Variants in SMOC2 observed in about 807,000 individuals in gnomAD.
The protein encoded by SMOC2 is SPARC related modular calcium binding 2, also known as SPARC-related modular calcium-binding protein 2.
Under a neutral mutation model 61.4 loss-of-function variants are expected in SMOC2, and 39 were observed. The ratio of observed to expected loss-of-function variants is 0.64; its 90% CI spans 0.49 to 0.83. The LOEUF is 0.83. Ranked by LOEUF, SMOC2 falls within the 40% of genes least tolerant of loss-of-function variation. The pLI is 0.00. For missense variants in SMOC2, 556 were observed against 592.9 expected (o/e 0.94, Z 0.65); for synonymous variants, 247 against 239.9 (o/e 1.03, Z -0.27).
At chr6:168,626,844 G>A (rs1786424287) in intron 9 of SMOC2, among the ~76,000 whole-genome samples, 1 of 152,176 alleles carries the variant, frequency 6.6e-6, no homozygotes, top group Non-Finnish European at 1.5e-5. Flanking sequence ...TGAATTGTTT[G>A]TAGGCTGAAA....
intron 1 of SMOC2, among the ~76,000 whole-genome samples, chr6:168,456,812 G>A (rs1781597387): frequency 6.6e-6 from 1 of 152,190 alleles, no homozygotes; most frequent in Non-Finnish European, 1.5e-5. Flanking sequence ...CAAGCAAAAG[G>A]CATGTCACTG....
chr6:168,591,890 T>G (rs1185130614), intron 7 of SMOC2, among the ~76,000 whole-genome samples: 2 of 152,210 alleles, frequency 1.3e-5, no homozygotes, highest in South Asian at 4.1e-4. Flanking sequence ...TTTGTAATCA[T>G]TCATTATTAC....
chr6:168,559,243 G>T (rs924998390), intron 7 of SMOC2, among the ~76,000 whole-genome samples: 1 of 152,086 alleles, frequency 6.6e-6, no homozygotes, highest in African/African-American at 2.4e-5. Context: ...ATCACCTGAG[G>T]TCAGGAGTTC....
chr6:168,617,384 A>G (rs777962252), intron 9 of SMOC2, among the ~76,000 whole-genome samples: 53 of 152,156 alleles, frequency 3.5e-4, no homozygotes, highest in Non-Finnish European at 4.3e-4. Flanking sequence ...TTTCTCACCG[A>G]CGTGGCTGAG....
intron 8 of SMOC2, among the ~76,000 whole-genome samples, chr6:168,605,541 T>C (rs1785665120): frequency 6.6e-6 from 1 of 152,178 alleles, no homozygotes; most frequent in African/African-American, 2.4e-5. Context: ...ACACTACTCA[T>C]TAAAACAAGC....
chr6:168,612,720 G>A (rs1437666696), intron 9 of SMOC2, among the ~76,000 whole-genome samples: 1 of 152,222 alleles, frequency 6.6e-6, no homozygotes, highest in Non-Finnish European at 1.5e-5. Flanking sequence ...GGCTCCATTT[G>A]TGATTCAGGC....
chr6:168,634,082 G>T (rs1786648574), intron 9 of SMOC2, among the ~76,000 whole-genome samples: 1 of 152,176 alleles, frequency 6.6e-6, no homozygotes. Context: ...TAGACATGGG[G>T]AACCGTGAGT....
At chr6:168,444,399 C>T (rs1781286872) in intron 1 of SMOC2, among the ~76,000 whole-genome samples, 1 of 152,172 alleles carries the variant, frequency 6.6e-6, no homozygotes, top group South Asian at 2.1e-4. Flanking sequence ...GTGCTCACCT[C>T]TGCTACTTTA....
intron 1 of SMOC2, among the ~76,000 whole-genome samples, chr6:168,506,405 C>T (rs947359004): frequency 6.6e-6 from 1 of 152,134 alleles, no homozygotes; most frequent in Non-Finnish European, 1.5e-5. Context: ...TCTTATGTCA[C>T]GTTATCTCAT....
chr6:168,558,517 C>A (rs185394685), intron 7 of SMOC2, among the ~76,000 whole-genome samples: 13 of 152,280 alleles, frequency 8.5e-5, no homozygotes, highest in South Asian at 2.1e-4. Context: ...CTCGGCCCCC[C>A]CTGTGTGATC....
chr6:168,464,281 T>TGGAAGGAA (rs1186258208), intron 1 of SMOC2, among the ~76,000 whole-genome samples: 2 of 146,868 alleles, frequency 1.4e-5, no homozygotes, highest in Non-Finnish European at 3.0e-5. Flanking sequence ...GAAGGAAGGA[T>TGGAAGGAA]GGAAGGAAGG....
At chr6:168,659,782 T>TGTG (rs1787451843) in intron 11 of SMOC2, among the ~76,000 whole-genome samples, 1 of 144,326 alleles carries the variant, frequency 6.9e-6, no homozygotes, top group African/African-American at 2.7e-5. Context: ...TTGTAGATTA[T>TGTG]AGGCTGAGTG....
intron 7 of SMOC2, among the ~76,000 whole-genome samples, chr6:168,588,871 C>G (rs111662687): frequency 3.1e-4 from 47 of 152,180 alleles, no homozygotes; most frequent in African/African-American, 9.6e-4. Flanking sequence ...GGGCGGATCA[C>G]TTGAGGCCAG....
chr6:168,548,427 A>G (rs1405302920), intron 6 of SMOC2, among the ~76,000 whole-genome samples: 1 of 145,868 alleles, frequency 6.9e-6, no homozygotes, highest in Admixed American at 7.0e-5. Context: ...ATGCGATCTC[A>G]GCTCACTGCA....
rs552217249 is a variant in SMOC2 at position 168,545,213 on chromosome 6, G to A, written c.511+1541G>A. On this transcript the variant is annotated intron_variant, in intron 5 of 12. Transcript: ENST00000356284. Reference sequence around the variant, plus strand: ...ATGGAAGGATCATCGTCTTTCAGAGGGCATTTCTTAATCCTGTTTATTATG... The same window carrying A: ...ATGGAAGGATCATCGTCTTTCAGAGAGCATTTCTTAATCCTGTTTATTATG... 2.9e-4 allele frequency among the ~76,000 whole-genome samples: 44 copies of A among 151,946 alleles called. No individual in the cohort carries two copies. The South Asian group carries it at 8.8e-3, about 30-fold the overall frequency.
At chr6:168,501,439 C>T (rs1329487732) in intron 1 of SMOC2, among the ~76,000 whole-genome samples, 1 of 151,752 alleles carries the variant, frequency 6.6e-6, no homozygotes, top group Non-Finnish European at 1.5e-5. Context: ...CTGCATTGTC[C>T]ATCCCTCGCT....
intron 1 of SMOC2, among the ~76,000 whole-genome samples, chr6:168,465,157 A>G (rs1269864417): frequency 6.6e-6 from 1 of 152,266 alleles, no homozygotes; most frequent in Non-Finnish European, 1.5e-5. Context: ...CAAGGCTTCA[A>G]CACACACATT....
chr6:168,459,461 C>A (rs1781665622), intron 1 of SMOC2, among the ~76,000 whole-genome samples: 1 of 152,108 alleles, frequency 6.6e-6, no homozygotes, highest in African/African-American at 2.4e-5. Context: ...CTGGGTTGAT[C>A]CCAGTGAGTT....
chr6:168,489,699 A>G (rs1247987730), intron 1 of SMOC2, among the ~76,000 whole-genome samples: 2 of 146,016 alleles, frequency 1.4e-5, no homozygotes, highest in Non-Finnish European at 1.5e-5. Flanking sequence ...GAAATATATC[A>G]AATCGTCTGG....
Sources: allele counts gnomAD v4.1 joint callset (sites outside exome capture counted in the v4.1 genomes callset), GRCh38; gene constraint gnomAD v4.1.1; transcripts MANE v1.5; gene names NCBI Gene and HGNC (gene_info 2026-07-23, HGNC 2026-07-21).